SYCE1: variants seen among roughly 807,000 people sequenced by gnomAD.
The protein encoded by SYCE1 is synaptonemal complex central element protein 1, also known as cancer/testis antigen 76.
Under a neutral mutation model 55.1 loss-of-function variants are expected in SYCE1, and 37 were observed. The observed-to-expected ratio is 0.67, with a 90% CI of 0.52 to 0.88. The LOEUF (loss-of-function observed/expected upper bound fraction) is 0.88. Among genes scored for constraint, SYCE1 ranks in the 40% least tolerant of loss-of-function variants. The pLI is 0.00. For synonymous variants in SYCE1, 163 were observed against 159.4 expected (o/e 1.02, Z -0.17); for missense variants, 399 against 416.4 (o/e 0.96, Z 0.36).
rs1056817766 is a variant in SYCE1 at position 133,555,131 on chromosome 10, T to C, written c.919-2A>G. Reference sequence around the variant, plus strand: ...TCCTTTTAGGGGCTTGGGACTGGCCTGCAGGAGGTTAGTGTCCAGGGTGGG... The same window carrying C: ...TCCTTTTAGGGGCTTGGGACTGGCCCGCAGGAGGTTAGTGTCCAGGGTGGG... On this transcript the variant is annotated splice_acceptor_variant, in intron 12 of 12. Transcript: ENST00000343131. LOFTEE classifies it high-confidence loss of function. The C allele has an allele frequency of 1.3e-6, 2 of 1,546,038 alleles. No individual in the cohort carries two copies. Among genetic ancestry groups the C allele is most frequent in the Non-Finnish European group, 1.7e-6 (2 of 1,145,120 alleles).
upstream of SYCE1, chr10:133,567,797 C>T (rs751184408): frequency 5.7e-6 from 2 of 352,018 alleles, no homozygotes; most frequent in South Asian, 4.3e-5. Context: ...GGTACAGGAG[C>T]CACAGGCCAC....
At chr10:133,555,548 T>A (rs1369952067) in intron 11 of SYCE1, 49 bp downstream of exon 11, 1 of 1,603,914 alleles carries the variant, frequency 6.2e-7, no homozygotes, top group Non-Finnish European at 8.5e-7. Flanking sequence ...AGATACAACA[T>A]CAGTCATCTT....
chr10:133,560,151 G>C lies in SYCE1; in HGVS notation c.76C>G (p.Gln26Glu), dbSNP rs745609058. ...TCAATTTTCTGTGAGGACGTGTCCT[G>C]CCCTGTGGAGACAAAACCAAACATT... ...AVDRAEKAGG[Q>E]DTSSQKIEDL... The change falls in exon 2 of 13, where the codon CAG becomes GAG. Residue 26 changes from glutamine to glutamate, a missense_variant and splice_region_variant. By Grantham distance (29) the Gln-to-Glu change is conservative. Coordinates refer to ENST00000343131, the MANE Select transcript of SYCE1 (RefSeq NM_001143764.3). 1.9e-6 allele frequency: 3 copies of C among 1,613,860 alleles called. No homozygotes were observed. Among genetic ancestry groups the C allele is most frequent in the Non-Finnish European group, 1.7e-6 (2 of 1,179,868 alleles).
chr10:133,555,577 GA>G lies in SYCE1; in HGVS notation c.830+19del. ...TCATCTTCCTGGTGGGGGTTGCGGG[GA>G]CAGGGCCTCCACACGCACCTCTGCC... On this transcript the variant is annotated intron_variant, in intron 11 of 12. Coordinates refer to ENST00000343131, the MANE Select transcript of SYCE1 (RefSeq NM_001143764.3). 3 of 1,602,458 alleles carry G rather than the reference GA, an allele frequency of 1.9e-6. No homozygotes were observed. The highest frequency in any genetic ancestry group is 2.5e-6 in the Non-Finnish European group (3 of 1,177,664).
At chr10:133,554,282 C>T (rs1331436443), downstream of SYCE1, 5 of 1,613,820 alleles carry the variant, frequency 3.1e-6, no homozygotes, top group Non-Finnish European at 4.2e-6. Context: ...TGCAGTGAGC[C>T]TCTCTCTTCA....
chr10:133,566,508 T>G (rs1851937483), upstream of SYCE1, among the ~76,000 whole-genome samples: 1 of 137,842 alleles, frequency 7.3e-6, no homozygotes. Flanking sequence ...TTGGGGTTAG[T>G]GTTAGGGGTA....
intron 4 of SYCE1, 157 bp from the exon 5 acceptor site, chr10:133,558,371 T>C: frequency 2.6e-6 from 2 of 773,366 alleles, no homozygotes; most frequent in Non-Finnish European, 4.4e-6. Flanking sequence ...GGTGCCCACA[T>C]TCCTTGTAAG....
In SYCE1 at chr10:133,559,370, G is replaced by A; in HGVS notation, c.137-10C>T. On this transcript the variant is annotated splice_polypyrimidine_tract_variant and intron_variant, in intron 2 of 12. Coordinates refer to ENST00000343131, the MANE Select transcript of SYCE1 (RefSeq NM_001143764.3). ...GGCTCTAGGCTTCCCACTGCACGGA[G>A]GAAAGGAGGTTGAGTTGACAGGGCA... 1 of 1,613,988 alleles carries A rather than the reference G, an allele frequency of 6.2e-7. No individual in the cohort carries two copies. Among genetic ancestry groups the A allele is most frequent in the Non-Finnish European group, 8.5e-7 (1 of 1,179,942 alleles).
At chr10:133,566,349 C>T (rs1395692204), upstream of SYCE1, among the ~76,000 whole-genome samples, 1 of 152,210 alleles carries the variant, frequency 6.6e-6, no homozygotes, top group East Asian at 1.9e-4. Flanking sequence ...AATACGAAGC[C>T]TCGAATCCTA....
chr10:133,565,656 T>G (rs912335457), upstream of SYCE1: 22 of 867,178 alleles, frequency 2.5e-5, no homozygotes, highest in African/African-American at 1.5e-4. Context: ...CGCCTGGAGA[T>G]GTGAGGTAAT....
intron 2 of SYCE1, 199 bp from the exon 3 acceptor site, chr10:133,559,559 C>T (rs1851773054): frequency 1.7e-5 from 10 of 582,728 alleles, no homozygotes; most frequent in South Asian, 6.0e-5. Context: ...AATGGGGCTG[C>T]GGTAACCGTG....
At chr10:133,563,440 T>C (rs1449546554) in intron 1 of SYCE1, among the ~76,000 whole-genome samples, 3 of 152,120 alleles carry the variant, frequency 2.0e-5, no homozygotes, top group Non-Finnish European at 2.9e-5. Flanking sequence ...CCCAGCACTT[T>C]TGGGAGACTG....
chr10:133,568,111 C>G (rs1332049632), upstream of SYCE1: 17 of 740,540 alleles, frequency 2.3e-5, no homozygotes, highest in African/African-American at 8.5e-5. Flanking sequence ...GCAGCAGCCC[C>G]AGGGCACTGA....
Position 133,555,869 on chromosome 10 carries a change from C to T in SYCE1, c.630G>A (p.Lys210=). 2.5e-6 allele frequency: 4 copies of T among 1,614,078 alleles called. No homozygotes were observed. The highest frequency in any genetic ancestry group is 3.4e-6 in the Non-Finnish European group (4 of 1,179,982). ...CCCCACACAGGGAGCACAGCTGATG[C>T]TTCACGTCTTCCAGTGTCGCCTTGA... The part of the protein sequence containing the change: ...KLVKATLEDV[K]HQLCSLCGAE... The change falls in exon 10 of 13, where the codon AAG becomes AAA. Residue 210 remains lysine (K), a synonymous_variant. Transcript: ENST00000343131.
At chr10:133,554,642 AT>A (rs201198747), downstream of SYCE1, 2,077 of 669,318 alleles carry the variant, frequency 3.1e-3, no homozygotes, top group East Asian at 3.6e-3. Flanking sequence ...CTCATTTTTA[AT>A]TTTTTTTTTA....
At position 133,559,311 on chromosome 10, in the gene SYCE1, C is replaced by G. The variant is rs1851764802; in HGVS notation, c.186G>C (p.Glu62Asp). ...RVEVLINRINEVQQAKKKANK... is the reference protein window; with the variant it reads ...RVEVLINRINDVQQAKKKANK... ...GGCCCCTGAACTCACCTTGCTGGACCTCATTAATCCGGTTAATCAGGACCT... is the reference window on the plus strand; with the variant it reads ...GGCCCCTGAACTCACCTTGCTGGACGTCATTAATCCGGTTAATCAGGACCT... Residue 62 changes from glutamate to aspartate, a missense_variant, in exon 3 of 13, where the codon GAG (glutamate) becomes GAC (aspartate). Physicochemically the swap from Glu to Asp is conservative, Grantham distance 45 (BLOSUM62 2). Transcript: ENST00000343131. 2.5e-6 allele frequency: 4 copies of G among 1,614,064 alleles called. No individual in the cohort carries two copies. The highest frequency in any genetic ancestry group is 3.4e-6 in the Non-Finnish European group (4 of 1,180,048).
chr10:133,566,779 G>C (rs1365106454), upstream of SYCE1, among the ~76,000 whole-genome samples: 1 of 151,072 alleles, frequency 6.6e-6, no homozygotes, highest in Non-Finnish European at 1.5e-5. Flanking sequence ...TAGGGTAAGG[G>C]GTTAGAGTTA....
chr10:133,558,029 A>T (rs554263591), intron 5 of SYCE1, 111 bp from the exon 6 acceptor site: 1 of 1,525,880 alleles, frequency 6.6e-7, no homozygotes, highest in Admixed American at 1.8e-5. Flanking sequence ...GAGCTTTAAC[A>T]TTTACTACAT....
At chr10:133,565,197 C>T (rs2133633918) in intron 1 of SYCE1, among the ~76,000 whole-genome samples, 1 of 152,242 alleles carries the variant, frequency 6.6e-6, no homozygotes, top group East Asian at 1.9e-4. Context: ...TGTGGGACAA[C>T]GGGAAGGGAT....
Sources: gnomAD v4.1 joint callset for allele counts (sites outside exome capture counted in the v4.1 genomes callset) on GRCh38, gnomAD v4.1.1 for gene constraint, MANE v1.5 for transcripts, NCBI Gene and HGNC (gene_info 2026-07-23, HGNC 2026-07-21) for gene names.